Variants in CALN1 observed in about 807,000 individuals in gnomAD.
CALN1 encodes calneuron 1, also known as calcium-binding protein 8.
In CALN1, 17 loss-of-function variants were observed where a neutral mutation model predicts 30.6. The observed-to-expected ratio is 0.56, with a 90% CI of 0.38 to 0.83. CALN1 has a LOEUF of 0.83. CALN1 is among the 40% of genes least tolerant of loss of function. The probability of loss-of-function intolerance (pLI) is 0.00; values close to 1 mark genes in which losing one functional copy is unlikely to be tolerated. For synonymous variants in CALN1, 156 were observed against 131.4 expected (o/e 1.19, Z -1.28); for missense variants, 291 against 354.9 (o/e 0.82, Z 1.45).
At chr7:72,381,504 C>A (rs1804897892) in intron 2 of CALN1, among the ~76,000 whole-genome samples, 1 of 152,112 alleles carries the variant, frequency 6.6e-6, no homozygotes, top group Admixed American at 6.5e-5. Context: ...ACTATGCAGC[C>A]ATAAAAAAGA....
chr7:72,304,365 G>A (rs568596124), intron 2 of CALN1, among the ~76,000 whole-genome samples: 1 of 152,298 alleles, frequency 6.6e-6, no homozygotes, highest in African/African-American at 2.4e-5. Flanking sequence ...AGTGGCTCAT[G>A]CCTGTAATCC....
intron 3 of CALN1, among the ~76,000 whole-genome samples, chr7:72,121,586 T>C (rs944125656): frequency 6.7e-6 from 1 of 148,782 alleles, no homozygotes; most frequent in African/African-American, 2.4e-5. Context: ...GGAAATACAA[T>C]ATGATTTGCG....
rs1206058669 is a variant in CALN1 at position 71,797,694 on chromosome 7, A to G, written c.659-9792T>C. On this transcript the variant is annotated intron_variant, in intron 6 of 6. Coordinates refer to ENST00000395275, the MANE Select transcript of CALN1 (RefSeq NM_031468.4). The stretch of plus-strand genomic sequence containing the variant: ...TGTGTTTTGCTTTGAGGGTCCTACA[A>G]TGAACTCTGGTGCAGTAGCCAGGCA... 6.6e-5 allele frequency among the ~76,000 whole-genome samples: 10 copies of G among 152,268 alleles called. No homozygotes were observed. In the South Asian group the frequency reaches 2.1e-3, roughly 32 times the overall value.
At chr7:72,336,762 G>A (rs2129558533) in intron 2 of CALN1, 2 of 985,298 alleles carry the variant, frequency 2.0e-6, no homozygotes, top group East Asian at 2.3e-4. Context: ...ACAGCGCGGG[G>A]GGCTTCCTCC....
intron 2 of CALN1, among the ~76,000 whole-genome samples, chr7:72,359,990 A>AAAAAAAAAAAAAAAAAAC (rs1365927582): frequency 1.1e-4 from 17 of 148,262 alleles, no homozygotes; most frequent in African/African-American, 3.8e-4. Context: ...AAAAAAAAAA[A>AAAAAAAAAAAAAAAAAAC]ACCAAAGTTG....
At chr7:72,180,762 C>A (rs1023086931) in intron 3 of CALN1, among the ~76,000 whole-genome samples, 4 of 151,586 alleles carry the variant, frequency 2.6e-5, no homozygotes, top group African/African-American at 9.7e-5. Flanking sequence ...CCTACCACGC[C>A]GGGCTTGTTT....
intron 3 of CALN1, among the ~76,000 whole-genome samples, chr7:72,139,479 C>T (rs1809739485): frequency 6.6e-6 from 1 of 151,904 alleles, no homozygotes; most frequent in Non-Finnish European, 1.5e-5. Flanking sequence ...TCAGCCACAC[C>T]CACCCCTCTT....
chr7:72,197,178 C>CTTTG (rs1791079237), intron 3 of CALN1, among the ~76,000 whole-genome samples: 1 of 64,208 alleles, frequency 1.6e-5, no homozygotes, highest in Non-Finnish European at 2.7e-5. Flanking sequence ...GGAAGGTTTG[C>CTTTG]TTTTTTTTTT....
Position 71,809,464 on chromosome 7 carries a change from C to CAAAAAAAAA in CALN1, c.658+863_658+871dup, listed in dbSNP as rs10682965. 1.5e-3 allele frequency among the ~76,000 whole-genome samples: 164 copies of CAAAAAAAAA among 108,128 alleles called. 3 individuals are homozygous for CAAAAAAAAA. Among genetic ancestry groups the CAAAAAAAAA allele is most frequent in the East Asian group, 2.9e-3 (11 of 3,840 alleles). 70.9% of individuals were successfully genotyped at this position (108,128 alleles called of 152,430 possible). On this transcript the variant is annotated intron_variant, in intron 6 of 6. Coordinates refer to ENST00000395275, the MANE Select transcript of CALN1 (RefSeq NM_031468.4). ...ATGTATACTGACTTATTTAAATGTT[C>CAAAAAAAAA]AAAAAAAAAAAAAAGAAAAGAAAAG...
intron 2 of CALN1, among the ~76,000 whole-genome samples, chr7:72,295,394 G>A (rs1479904501): frequency 6.6e-6 from 1 of 152,008 alleles, no homozygotes; most frequent in Non-Finnish European, 1.5e-5. Context: ...TTCCAATTCT[G>A]TGAAGAAAGG....
At chr7:72,095,046 A>G (rs1370105499) in intron 4 of CALN1, among the ~76,000 whole-genome samples, 3 of 152,166 alleles carry the variant, frequency 2.0e-5, no homozygotes, top group Non-Finnish European at 4.4e-5. Flanking sequence ...TGTCACCCTC[A>G]GTGACCTATA....
At chr7:72,383,949 G>GTA (rs1241406643) in intron 2 of CALN1, among the ~76,000 whole-genome samples, 1 of 152,118 alleles carries the variant, frequency 6.6e-6, no homozygotes, top group East Asian at 1.9e-4. Context: ...CCATTACTGG[G>GTA]TATATACCCA....
At chr7:72,472,582 C>T in the CALN1 span, among the ~76,000 whole-genome samples, 2 of 151,812 alleles carry the variant, frequency 1.3e-5, no homozygotes, top group South Asian at 2.1e-4. Context: ...GTCAGGAGTT[C>T]GAGACCAGCG....
chr7:71,991,048 AG>A (rs111795537), intron 5 of CALN1, among the ~76,000 whole-genome samples: 11,773 of 146,524 alleles, frequency 0.08, 536 homozygotes, highest in African/African-American at 0.11. Flanking sequence ...TGAAACAGTG[AG>A]GGGGGGGGTC....
chr7:72,428,488 C>G, intron 1 of CALN1, among the ~76,000 whole-genome samples: 1 of 151,546 alleles, frequency 6.6e-6, no homozygotes, highest in East Asian at 2.0e-4. Context: ...ACATCCTGGG[C>G]TCAAGTGATC....
rs1358464332 is a variant in CALN1 at position 71,787,251 on chromosome 7, C to A, written c.*524G>T. 1 of 155,044 alleles carries A rather than the reference C, an allele frequency of 6.4e-6. No homozygotes were observed. The highest frequency in any genetic ancestry group is 2.0e-4 in the South Asian group (1 of 5,012). The allele number at this position is 155,044 out of a possible 1,614,324, so 9.6% of individuals were successfully genotyped here. A position where few individuals can be genotyped will look rare whatever the true frequency, so the allele number is the denominator to read the frequency against. On this transcript the variant is annotated 3_prime_UTR_variant, in exon 7 of 7. Transcript: ENST00000395275. ...CTTTCCCCTCATGCCTTGGGGGGGT[C>A]TCCACTGGGTGGAGGAAGGAAGCCA...
intron 2 of CALN1, among the ~76,000 whole-genome samples, chr7:72,361,684 A>C (rs374699965): frequency 1.2e-4 from 19 of 152,328 alleles, no homozygotes; most frequent in African/African-American, 4.1e-4. Flanking sequence ...CTCTGGACTC[A>C]GGAAATGCCA....
chr7:71,856,857 A>T (rs1790976453), intron 5 of CALN1, among the ~76,000 whole-genome samples: 1 of 152,162 alleles, frequency 6.6e-6, no homozygotes, highest in South Asian at 2.1e-4. Flanking sequence ...CAGGAGGCTC[A>T]GGTGGAAGGG....
chr7:72,411,859 G>A (rs1807180974), intron 1 of CALN1, among the ~76,000 whole-genome samples, 199 bp downstream of exon 1: 1 of 152,138 alleles, frequency 6.6e-6, no homozygotes, highest in African/African-American at 2.4e-5. Flanking sequence ...TTATATTCCA[G>A]GATAACCAAA....
Sources: allele counts gnomAD v4.1 joint callset (sites outside exome capture counted in the v4.1 genomes callset), GRCh38; gene constraint gnomAD v4.1.1; transcripts MANE v1.5; gene names NCBI Gene and HGNC (gene_info 2026-07-23, HGNC 2026-07-21).